The following SBF2 variants were observed in gnomAD, a reference collection of about 807,000 sequenced individuals.
SBF2 encodes the protein SET binding factor 2, also known as myotubularin-related protein 13.
Under a neutral mutation model 225.2 loss-of-function variants are expected in SBF2, and 112 were observed. The observed-to-expected ratio is 0.50, with a 90% CI of 0.43 to 0.58. SBF2 has a LOEUF of 0.58. SBF2 is among the 20% of genes least tolerant of loss of function. SBF2 has a pLI of 0.00. For missense variants in SBF2, 1,996 were observed against 2,206.2 expected, an observed-to-expected ratio of 0.90 and a Z score of 1.91; for synonymous variants, 763 against 773.3, an observed-to-expected ratio of 0.99 and a Z score of 0.22.
At chr11:10,138,272 A>G (rs1321389358) in intron 2 of SBF2, among the ~76,000 whole-genome samples, 1 of 152,140 alleles carries the variant, frequency 6.6e-6, no homozygotes, top group Non-Finnish European at 1.5e-5. Context: ...TTACATGCAT[A>G]GAGTTATTTG....
intron 1 of SBF2, among the ~76,000 whole-genome samples, chr11:10,216,884 T>TAAA (rs902315793): frequency 1.3e-5 from 2 of 151,372 alleles, no homozygotes; most frequent in African/African-American, 4.8e-5. Context: ...TAGTAATTTT[T>TAAA]AAAAAAAAGT....
chr11:10,260,052 C>T (rs1261551101), intron 1 of SBF2, among the ~76,000 whole-genome samples: 1 of 152,122 alleles, frequency 6.6e-6, no homozygotes, highest in Admixed American at 6.5e-5. Flanking sequence ...AATTTATCTA[C>T]ATCATTCTCT....
rs536807616 is a variant in SBF2 at position 9,919,479 on chromosome 11, C to T, written c.1861-23468G>A. On this transcript the variant is annotated intron_variant, in intron 16 of 39. Transcript: ENST00000256190. ...GAGCAATTTCTGTCCCTTTTAAGGGCTCACAACTCTAAGGGGGTGTGCGTG... is the reference window on the plus strand; with the variant it reads ...GAGCAATTTCTGTCCCTTTTAAGGGTTCACAACTCTAAGGGGGTGTGCGTG... Among the ~76,000 whole-genome samples, 3 of 152,176 alleles carry T rather than the reference C, an allele frequency of 2.0e-5. No homozygotes were observed. In the South Asian group the frequency reaches 6.2e-4, roughly 32 times the overall value.
chr11:10,286,909 CAA>C (rs1466245434), intron 1 of SBF2, among the ~76,000 whole-genome samples: 9 of 152,096 alleles, frequency 5.9e-5, no homozygotes, highest in African/African-American at 2.2e-4. Flanking sequence ...CGTATTTACC[CAA>C]GAGAAATAAA....
chr11:9,948,501 T>C (rs975024762), intron 16 of SBF2, among the ~76,000 whole-genome samples: 1 of 152,186 alleles, frequency 6.6e-6, no homozygotes, highest in Admixed American at 6.5e-5. Context: ...CTTTCTGAAA[T>C]AAAAAGATGT....
At chr11:10,098,336 G>C (rs909657683) in intron 2 of SBF2, among the ~76,000 whole-genome samples, 7 of 151,962 alleles carry the variant, frequency 4.6e-5, no homozygotes, top group African/African-American at 1.5e-4. Context: ...TATATCCACA[G>C]AAAAGGTCTG....
intron 16 of SBF2, among the ~76,000 whole-genome samples, chr11:9,930,489 G>A (rs779720858): frequency 6.6e-6 from 1 of 152,178 alleles, no homozygotes; most frequent in Non-Finnish European, 1.5e-5. Flanking sequence ...GAAGAGGGGA[G>A]AGTATCCTTT....
At chr11:10,129,207 G>A (rs991295156) in intron 2 of SBF2, among the ~76,000 whole-genome samples, 8 of 146,830 alleles carry the variant, frequency 5.4e-5, no homozygotes, top group Non-Finnish European at 7.4e-5. Flanking sequence ...CAGTTCAAGC[G>A]ATTCTCCTGC....
At chr11:9,832,972 A>G (rs1855486945) in intron 26 of SBF2, among the ~76,000 whole-genome samples, 1 of 152,236 alleles carries the variant, frequency 6.6e-6, no homozygotes, top group Admixed American at 6.5e-5. Context: ...CTTATACATT[A>G]CTTTTCCACA....
chr11:10,153,031 G>T (rs1158519466), intron 2 of SBF2, among the ~76,000 whole-genome samples: 1 of 152,178 alleles, frequency 6.6e-6, no homozygotes, highest in East Asian at 1.9e-4. Flanking sequence ...TAACTTATAG[G>T]CAAATAATGA....
chr11:10,100,756 C>T (rs899048266), intron 2 of SBF2, among the ~76,000 whole-genome samples: 2 of 151,966 alleles, frequency 1.3e-5, no homozygotes, highest in Non-Finnish European at 2.9e-5. Context: ...CGTCTGTAGC[C>T]CCACTGCATG....
At chr11:9,841,656 C>T (rs1856160063) in intron 25 of SBF2, among the ~76,000 whole-genome samples, 2 of 152,070 alleles carry the variant, frequency 1.3e-5, no homozygotes, top group Non-Finnish European at 2.9e-5. Context: ...CCTCAGCCTC[C>T]TGAGCAGTAG....
rs1240663257 is a variant in SBF2 at position 9,993,115 on chromosome 11, A to C, written c.1054-12T>G. 1 of 1,574,730 alleles carries C rather than the reference A, an allele frequency of 6.4e-7. No homozygotes were observed. Among genetic ancestry groups the C allele is most frequent in the Non-Finnish European group, 8.7e-7 (1 of 1,147,994 alleles). On this transcript the variant is annotated splice_polypyrimidine_tract_variant and intron_variant, in intron 10 of 39. Coordinates refer to ENST00000256190, the MANE Select transcript of SBF2 (RefSeq NM_030962.4). ...CGCACCTCTTTATCCTAAAAATATA[A>C]GAAGAAATGTTAGGTAATTTAACTT...
intron 1 of SBF2, among the ~76,000 whole-genome samples, chr11:10,261,787 A>C (rs963994945): frequency 2.0e-5 from 3 of 152,232 alleles, no homozygotes; most frequent in Non-Finnish European, 4.4e-5. Flanking sequence ...ATCATTCAGC[A>C]AAAAAGGGAA....
chr11:9,995,040 C>CAA (rs5789626), intron 9 of SBF2, among the ~76,000 whole-genome samples: 34 of 138,544 alleles, frequency 2.5e-4, no homozygotes, highest in South Asian at 1.6e-3. Flanking sequence ...GACTCTGTCT[C>CAA]AAAAAAAAAA....
intron 27 of SBF2, 111 bp from the exon 28 acceptor site, chr11:9,829,607 G>C (rs1461793665): frequency 1.0e-6 from 1 of 987,166 alleles, no homozygotes; most frequent in Non-Finnish European, 1.6e-6. Flanking sequence ...TCTCTATATA[G>C]TCTACAAGTT....
At position 9,853,630 on chromosome 11, in the gene SBF2, C is replaced by T; in HGVS notation, c.2446G>A (p.Val816Met). The change falls in exon 20 of 40, where the codon GTG becomes ATG. Residue 816 changes from valine (V) to methionine (M), a missense_variant. By Grantham distance (21) the Val-to-Met change is conservative. Coordinates refer to ENST00000256190, the MANE Select transcript of SBF2 (RefSeq NM_030962.4). The part of the protein sequence containing the change: ...SENTDIANSV[V>M]RFITRFIDKV... Reference sequence around the variant, plus strand: ...TCAATAAATCGGGTAATGAACCGCACAACAGAATTGGCAATGTCAGTATTC... The same window carrying T: ...TCAATAAATCGGGTAATGAACCGCATAACAGAATTGGCAATGTCAGTATTC... 1.2e-6 allele frequency: 2 copies of T among 1,613,956 alleles called. No homozygotes were observed. The highest frequency in any genetic ancestry group is 1.7e-6 in the Non-Finnish European group (2 of 1,179,880).
chr11:9,992,580 C>T (rs1947485947), intron 11 of SBF2, 37 bp from the exon 12 acceptor site: 1 of 1,597,552 alleles, frequency 6.3e-7, no homozygotes, highest in African/African-American at 1.3e-5. Context: ...TAATTTATCA[C>T]TTGGTAACGG....
chr11:10,234,334 A>C (rs1958975722), intron 1 of SBF2, among the ~76,000 whole-genome samples: 1 of 151,912 alleles, frequency 6.6e-6, no homozygotes, highest in Non-Finnish European at 1.5e-5. Flanking sequence ...TCCTATCTTG[A>C]TTTTCTATAG....
Sources: allele counts gnomAD v4.1 joint callset (sites outside exome capture counted in the v4.1 genomes callset), GRCh38; gene constraint gnomAD v4.1.1; transcripts MANE v1.5; gene names NCBI Gene and HGNC (gene_info 2026-07-23, HGNC 2026-07-21).